Variants in PLCXD3 observed in about 807,000 individuals in gnomAD.
PLCXD3 encodes the protein PI-PLC X domain-containing protein 3.
A neutral mutation model predicts 25.5 loss-of-function variants in PLCXD3; 19 were observed. The ratio of observed to expected loss-of-function variants is 0.75; its 90% CI spans 0.52 to 1.09. PLCXD3 has a LOEUF of 1.09. Ranked by LOEUF, PLCXD3 falls within the 50% of genes least tolerant of loss-of-function variation. PLCXD3 has a pLI of 0.00. For missense variants in PLCXD3, 411 were observed against 388.1 expected (o/e 1.06, Z -0.50); for synonymous variants, 174 against 137.6 (o/e 1.26, Z -1.85).
At chr5:41,465,195 T>C (rs1217072814) in intron 1 of PLCXD3, among the ~76,000 whole-genome samples, 1 of 151,900 alleles carries the variant, frequency 6.6e-6, no homozygotes, top group Non-Finnish European at 1.5e-5. Context: ...GCCTTCGCAG[T>C]TATTCTGGGT....
chr5:41,392,458 A>G (rs1019686426), intron 1 of PLCXD3, among the ~76,000 whole-genome samples: 11 of 152,188 alleles, frequency 7.2e-5, no homozygotes, highest in Non-Finnish European at 1.5e-4. Flanking sequence ...CCAAGACAAT[A>G]AAGGTGATGC....
chr5:41,481,630 G>T (rs533379800), intron 1 of PLCXD3, among the ~76,000 whole-genome samples: 19 of 152,252 alleles, frequency 1.2e-4, no homozygotes, highest in Non-Finnish European at 2.1e-4. Context: ...GTCAGGGTCT[G>T]AAATGGAAGG....
At chr5:41,349,941 G>A (rs1244101087) in intron 2 of PLCXD3, among the ~76,000 whole-genome samples, 1 of 149,686 alleles carries the variant, frequency 6.7e-6, no homozygotes, top group Non-Finnish European at 1.5e-5. Flanking sequence ...TTTTTTTTTG[G>A]TAGTGCTTTG....
chr5:41,456,507 G>GA lies in PLCXD3; in HGVS notation c.103+53916dup, dbSNP rs148267483. The GA allele has an allele frequency of 1.7e-3, 1,328 of 801,166 alleles. 2 individuals are homozygous for GA. Among genetic ancestry groups the GA allele is most frequent in the African/African-American group, 7.3e-3 (383 of 52,720 alleles). The allele number at this position is 801,166 out of a possible 1,614,324, so 49.6% of individuals were successfully genotyped here. On this transcript the variant is annotated intron_variant, in intron 1 of 2. Transcript: ENST00000377801. Reference sequence around the variant, plus strand: ...GAAAAATAAAATATACATTTATGTTGAAAAAAAAAGAAAAACAAGTTCTTA... The same window carrying GA: ...GAAAAATAAAATATACATTTATGTTGAAAAAAAAAAGAAAAACAAGTTCTTA...
At chr5:41,425,983 G>A (rs751134347) in intron 1 of PLCXD3, among the ~76,000 whole-genome samples, 1 of 152,170 alleles carries the variant, frequency 6.6e-6, no homozygotes, top group Non-Finnish European at 1.5e-5. Context: ...GAATGTGATT[G>A]CTGGATTGTA....
In PLCXD3 at chr5:41,312,954, C is replaced by A. The variant is rs896896129; in HGVS notation, c.*663G>T. The A allele has an allele frequency of 2.0e-5, 3 of 152,478 alleles. No individual in the cohort carries two copies. Among genetic ancestry groups the A allele is most frequent in the Non-Finnish European group, 2.9e-5 (2 of 68,004 alleles). The allele number at this position is 152,478 out of a possible 1,614,324, so 9.4% of individuals were successfully genotyped here. ...TTCACAGCTCTCCAAAAACATTTTT[C>A]TCCTATATTTATAGCTGCCTTAAAT... On this transcript the variant is annotated 3_prime_UTR_variant, in exon 3 of 3. Transcript: ENST00000377801.
intron 2 of PLCXD3, among the ~76,000 whole-genome samples, chr5:41,373,673 C>G (rs1281295398): frequency 1.3e-5 from 2 of 151,778 alleles, no homozygotes; most frequent in Non-Finnish European, 2.9e-5. Context: ...AACTCCTCCT[C>G]CCCCTTTTCC....
At chr5:41,341,613 G>T (rs917708875) in intron 2 of PLCXD3, among the ~76,000 whole-genome samples, 1 of 151,802 alleles carries the variant, frequency 6.6e-6, no homozygotes, top group Non-Finnish European at 1.5e-5. Flanking sequence ...GGTTTATAAG[G>T]TTTACCTGTT....
intron 1 of PLCXD3, among the ~76,000 whole-genome samples, chr5:41,417,545 G>A (rs1354428723): frequency 1.3e-5 from 2 of 152,198 alleles, no homozygotes; most frequent in Admixed American, 6.5e-5. Flanking sequence ...AGGACAATCA[G>A]GACTCTGGGA....
chr5:41,430,919 C>A (rs778759017), intron 1 of PLCXD3, among the ~76,000 whole-genome samples: 4 of 152,178 alleles, frequency 2.6e-5, no homozygotes, highest in African/African-American at 4.8e-5. Flanking sequence ...TTTCCATCTG[C>A]TGCTTAACCA....
chr5:41,420,757 T>C (rs1300143179), intron 1 of PLCXD3, among the ~76,000 whole-genome samples: 1 of 152,190 alleles, frequency 6.6e-6, no homozygotes, highest in Non-Finnish European at 1.5e-5. Flanking sequence ...AGATACAAAA[T>C]GGCGTTGTGT....
rs549730094 is a variant in PLCXD3 at position 41,505,961 on chromosome 5, C to G, written c.103+4463G>C. ...GTAAAAAATGTATATTTAAATTTGC[C>G]TCTGACATTTACATAAAAGCCCTCT... On this transcript the variant is annotated intron_variant, in intron 1 of 2. Transcript: ENST00000377801. Among the ~76,000 whole-genome samples, 4 of 152,322 alleles carry G rather than the reference C, an allele frequency of 2.6e-5. No individual in the cohort carries two copies. The East Asian group carries it at 5.8e-4, about 22-fold the overall frequency.
chr5:41,412,197 C>A (rs1434553627), intron 1 of PLCXD3, among the ~76,000 whole-genome samples: 1 of 151,946 alleles, frequency 6.6e-6, no homozygotes, highest in African/African-American at 2.4e-5. Context: ...CATGTTTGGT[C>A]TCTTTAGGAA....
chr5:41,479,545 C>T (rs566707087), intron 1 of PLCXD3, among the ~76,000 whole-genome samples: 1 of 152,168 alleles, frequency 6.6e-6, no homozygotes, highest in South Asian at 2.1e-4. Flanking sequence ...AACACAAAAG[C>T]TTAAAAACAT....
At chr5:41,330,475 GT>G (rs1362544843) in intron 2 of PLCXD3, among the ~76,000 whole-genome samples, 9 of 152,200 alleles carry the variant, frequency 5.9e-5, no homozygotes, top group Non-Finnish European at 1.3e-4. Context: ...ACCAAAAAGA[GT>G]CCAGGACCAG....
intron 2 of PLCXD3, among the ~76,000 whole-genome samples, chr5:41,358,145 G>A (rs758768058): frequency 2.6e-5 from 4 of 152,162 alleles, no homozygotes; most frequent in Non-Finnish European, 5.9e-5. Flanking sequence ...ATGCTTCACG[G>A]TAGTCTTGAG....
At chr5:41,403,025 C>T (rs1338951280) in intron 1 of PLCXD3, among the ~76,000 whole-genome samples, 1 of 151,978 alleles carries the variant, frequency 6.6e-6, no homozygotes, top group African/African-American at 2.4e-5. Flanking sequence ...TAGGTAAATA[C>T]ACCATTTATA....
chr5:41,384,104 C>G (rs1268332780), intron 1 of PLCXD3, among the ~76,000 whole-genome samples: 1 of 151,964 alleles, frequency 6.6e-6, no homozygotes, highest in Non-Finnish European at 1.5e-5. Context: ...TTTTCAAAAA[C>G]TATAAAAGAT....
intron 1 of PLCXD3, among the ~76,000 whole-genome samples, chr5:41,492,548 T>C (rs1411551412): frequency 3.4e-5 from 5 of 148,668 alleles, no homozygotes; most frequent in Non-Finnish European, 6.0e-5. Context: ...TTGTTTCCAT[T>C]CTCCCCGTCA....
Sources: gnomAD v4.1 joint callset for allele counts (sites outside exome capture counted in the v4.1 genomes callset) on GRCh38, gnomAD v4.1.1 for gene constraint, MANE v1.5 for transcripts, NCBI Gene and HGNC (gene_info 2026-07-23, HGNC 2026-07-21) for gene names.